Variants in IL19 observed in about 807,000 individuals in gnomAD.
IL19 encodes interleukin-19.
Under a neutral mutation model 19.5 loss-of-function variants are expected in IL19, and 15 were observed. That is an observed-to-expected ratio of 0.77 (90% confidence interval 0.52 to 1.19). The LOEUF is 1.19. Ranked by LOEUF, IL19 falls within the 50% of genes most tolerant of loss-of-function variation. The pLI is 0.00. For synonymous variants in IL19, 78 were observed against 78.3 expected (o/e 1.00, Z 0.02); for missense variants, 199 against 213.1 (o/e 0.93, Z 0.41).
chr1:206,801,520 A>G (rs1675708696), intron 2 of IL19, among the ~76,000 whole-genome samples: 1 of 152,158 alleles, frequency 6.6e-6, no homozygotes, highest in South Asian at 2.1e-4. Flanking sequence ...TCAGACCTCT[A>G]TGGCTCTGGG....
chr1:206,823,576 C>A (rs1453895095), intron 2 of IL19, among the ~76,000 whole-genome samples: 2 of 151,688 alleles, frequency 1.3e-5, no homozygotes, highest in African/African-American at 4.8e-5. Flanking sequence ...CACCAAGACA[C>A]CAAGATTATT....
chr1:206,824,549 C>G (rs1676381763), intron 2 of IL19, among the ~76,000 whole-genome samples: 2 of 152,170 alleles, frequency 1.3e-5, no homozygotes, highest in Non-Finnish European at 2.9e-5. Context: ...GTTATACTGT[C>G]TGTTCCTCAT....
intron 2 of IL19, among the ~76,000 whole-genome samples, chr1:206,803,627 C>G (rs2102462683): frequency 6.6e-6 from 1 of 152,186 alleles, no homozygotes; most frequent in East Asian, 1.9e-4. Flanking sequence ...AGGATTATTC[C>G]CCTGGGGGCT....
At chr1:206,823,933 GT>G (rs1448758245) in intron 2 of IL19, among the ~76,000 whole-genome samples, 2 of 152,148 alleles carry the variant, frequency 1.3e-5, no homozygotes. Context: ...GCTTCCCTCC[GT>G]CTTAAGAAGG....
chr1:206,779,763 G>A (rs979278637), intron 1 of IL19, among the ~76,000 whole-genome samples: 2 of 151,360 alleles, frequency 1.3e-5, no homozygotes, highest in African/African-American at 2.4e-5. Context: ...GCTTCAACTT[G>A]CGGCACTCTT....
chr1:206,841,916 C>A (rs1328635593), intron 6 of IL19, among the ~76,000 whole-genome samples: 1 of 152,180 alleles, frequency 6.6e-6, no homozygotes, highest in East Asian at 1.9e-4. Context: ...ACTGCAACTG[C>A]ACGGCAGAGG....
intron 2 of IL19, among the ~76,000 whole-genome samples, chr1:206,827,472 C>T (rs895139143): frequency 2.0e-4 from 31 of 152,208 alleles, no homozygotes; most frequent in Admixed American, 1.6e-3. Flanking sequence ...GGGCGGATCA[C>T]GAGGTCAGGA....
At chr1:206,840,379 A>C in intron 5 of IL19, 1 of 359,768 alleles carries the variant, frequency 2.8e-6, no homozygotes, top group Non-Finnish European at 5.4e-6. Flanking sequence ...GGTATGGCCT[A>C]TCCCTAAAGG....
At chr1:206,817,185 T>C (rs1324765633) in intron 2 of IL19, among the ~76,000 whole-genome samples, 1 of 152,186 alleles carries the variant, frequency 6.6e-6, no homozygotes, top group Non-Finnish European at 1.5e-5. Context: ...TGTTTCATAC[T>C]AACTCCCCCT....
chr1:206,773,433 G>A (rs1674911765), intron 1 of IL19, among the ~76,000 whole-genome samples: 2 of 152,184 alleles, frequency 1.3e-5, no homozygotes, highest in Non-Finnish European at 2.9e-5. Flanking sequence ...TCTGTGGCTG[G>A]AGTCTAAAGT....
chr1:206,797,615 A>ATTTAAAG (rs1388869903), intron 1 of IL19, among the ~76,000 whole-genome samples: 1 of 152,190 alleles, frequency 6.6e-6, no homozygotes, highest in Non-Finnish European at 1.5e-5. Context: ...TAAATGGAAA[A>ATTTAAAG]ATCATTTTCC....
intron 1 of IL19, among the ~76,000 whole-genome samples, 199 bp from the exon 2 acceptor site, chr1:206,798,662 C>T (rs951315661): frequency 2.6e-5 from 4 of 151,966 alleles, no homozygotes; most frequent in Admixed American, 2.0e-4. Context: ...CACAGCGCAC[C>T]GAGAAACACC....
At chr1:206,815,175 G>C (rs1342928003) in intron 2 of IL19, among the ~76,000 whole-genome samples, 1 of 152,176 alleles carries the variant, frequency 6.6e-6, no homozygotes, top group Non-Finnish European at 1.5e-5. Context: ...CTATCTCCAG[G>C]ATGTTTGGGA....
chr1:206,783,507 T>G (rs1359013481), intron 1 of IL19, among the ~76,000 whole-genome samples: 3 of 152,084 alleles, frequency 2.0e-5, no homozygotes, highest in African/African-American at 7.2e-5. Flanking sequence ...AAGCAGTGGG[T>G]TGGATATAAA....
At chr1:206,802,015 A>G (rs1305297004) in intron 2 of IL19, among the ~76,000 whole-genome samples, 1 of 152,198 alleles carries the variant, frequency 6.6e-6, no homozygotes, top group African/African-American at 2.4e-5. Context: ...GCATGGACAA[A>G]CATGGGAGCT....
chr1:206,774,125 C>T (rs1296148748), intron 1 of IL19, among the ~76,000 whole-genome samples: 1 of 152,200 alleles, frequency 6.6e-6, no homozygotes, highest in Non-Finnish European at 1.5e-5. Context: ...CCTTGGGGCC[C>T]AGCCAGCGTG....
chr1:206,796,995 C>T (rs143034526), intron 1 of IL19, among the ~76,000 whole-genome samples: 1 of 152,186 alleles, frequency 6.6e-6, no homozygotes, highest in Non-Finnish European at 1.5e-5. Flanking sequence ...TGCTCGAAAA[C>T]CGGATCACAA....
intron 1 of IL19, among the ~76,000 whole-genome samples, chr1:206,787,880 C>T (rs537386486): frequency 6.6e-6 from 1 of 152,320 alleles, no homozygotes; most frequent in African/African-American, 2.4e-5. Flanking sequence ...ACAATCTTTT[C>T]CTGGGCTGCG....
intron 1 of IL19, chr1:206,772,405 C>T (rs774750635): frequency 6.2e-7 from 1 of 1,613,990 alleles, no homozygotes; most frequent in Non-Finnish European, 8.5e-7. Flanking sequence ...GTCAGGAGGA[C>T]CAGGCAACAG....
Sources: allele counts gnomAD v4.1 joint callset (sites outside exome capture counted in the v4.1 genomes callset), GRCh38; gene constraint gnomAD v4.1.1; transcripts MANE v1.5; gene names NCBI Gene and HGNC (gene_info 2026-07-23, HGNC 2026-07-21).